The following PRKCI variants were observed in gnomAD, a reference collection of about 807,000 sequenced individuals.
The protein encoded by PRKCI is protein kinase C iota, also known as protein kinase C iota type.
In PRKCI, 43 loss-of-function variants were observed where a neutral mutation model predicts 84.0. The ratio of observed to expected loss-of-function variants is 0.51; its 90% CI spans 0.40 to 0.66. The LOEUF (loss-of-function observed/expected upper bound fraction) is 0.66, where lower values mean the gene tolerates loss of function less well. Ranked by LOEUF, PRKCI falls within the 30% of genes least tolerant of loss-of-function variation. PRKCI has a pLI of 0.00. For synonymous variants in PRKCI, 216 were observed against 234.4 expected (o/e 0.92, Z 0.72); for missense variants, 459 against 745.6 (o/e 0.62, Z 4.48).
intron 1 of PRKCI, among the ~76,000 whole-genome samples, chr3:170,226,218 A>G (rs1290948870): frequency 2.6e-5 from 4 of 152,160 alleles, no homozygotes; most frequent in Non-Finnish European, 5.9e-5. Flanking sequence ...CAGCCAATTT[A>G]CATCTAGTTT....
chr3:170,231,210 C>G (rs1272728725), intron 1 of PRKCI, among the ~76,000 whole-genome samples: 1 of 151,896 alleles, frequency 6.6e-6, no homozygotes, highest in East Asian at 1.9e-4. Flanking sequence ...ATCCATCTGC[C>G]TCGGCCTCCC....
At position 170,297,419 on chromosome 3, in the gene PRKCI, A is replaced by G. The variant is rs147890380; in HGVS notation, c.1587+26A>G. The stretch of plus-strand genomic sequence containing the variant: ...GTATGTAAATTTTGATTACTCAACT[A>G]TTAGGTTTCATTATTATCTTGGGCC... On this transcript the variant is annotated intron_variant, in intron 16 of 17. Transcript: ENST00000295797. 1,277 of 1,544,142 alleles carry G rather than the reference A, an allele frequency of 8.3e-4. 14 individuals are homozygous for G. In the African/African-American group the frequency reaches 0.015, roughly 18 times the overall value.
chr3:170,264,134 T>C (rs1365001382), intron 4 of PRKCI, among the ~76,000 whole-genome samples: 4 of 152,178 alleles, frequency 2.6e-5, no homozygotes, highest in Non-Finnish European at 5.9e-5. Context: ...ATATCTCATA[T>C]ATGCATGCAC....
intron 2 of PRKCI, among the ~76,000 whole-genome samples, chr3:170,250,444 C>CCA (rs1491186149): frequency 5.8e-5 from 4 of 68,870 alleles, no homozygotes; most frequent in Admixed American, 1.7e-4. Flanking sequence ...CCCCCCCCCC[C>CCA]AAAAAAAAAT....
chr3:170,277,334 C>T (rs1195087115), intron 8 of PRKCI, among the ~76,000 whole-genome samples: 1 of 151,908 alleles, frequency 6.6e-6, no homozygotes, highest in Non-Finnish European at 1.5e-5. Flanking sequence ...TGAAAAACCA[C>T]TCATCGTCAC....
chr3:170,232,113 T>C (rs1333073487), intron 1 of PRKCI, among the ~76,000 whole-genome samples: 1 of 152,120 alleles, frequency 6.6e-6, no homozygotes, highest in Non-Finnish European at 1.5e-5. Flanking sequence ...TACAGTGGTG[T>C]AATCACAGCT....
At chr3:170,291,607 G>C (rs1734552922) in intron 12 of PRKCI, 1 of 361,516 alleles carries the variant, frequency 2.8e-6, no homozygotes, top group Non-Finnish European at 5.3e-6. Context: ...TGAGACACAA[G>C]AATTGCTTGA....
At chr3:170,273,705 C>T (rs2108855270) in intron 7 of PRKCI, among the ~76,000 whole-genome samples, 1 of 151,934 alleles carries the variant, frequency 6.6e-6, no homozygotes, top group Non-Finnish European at 1.5e-5. Context: ...GTCCCAGCTT[C>T]TCAGGAGGCT....
chr3:170,300,081 G>A (rs1402057648), intron 17 of PRKCI, among the ~76,000 whole-genome samples: 1 of 152,120 alleles, frequency 6.6e-6, no homozygotes, highest in African/African-American at 2.4e-5. Context: ...TCTAATCTCA[G>A]GGAGGCCCTT....
chr3:170,252,170 C>T (rs1282312257), intron 2 of PRKCI, among the ~76,000 whole-genome samples: 6 of 151,326 alleles, frequency 4.0e-5, no homozygotes, highest in Non-Finnish European at 5.9e-5. Flanking sequence ...GCCGAGATTG[C>T]GCCACTGCCC....
Position 170,241,307 on chromosome 3 carries a change from A to G in PRKCI, c.223+5956A>G, listed in dbSNP as rs144955224. 6.8e-3 allele frequency among the ~76,000 whole-genome samples: 1,036 copies of G among 152,230 alleles called. 32 individuals carry two copies. The highest frequency in any genetic ancestry group is 0.056 in the Admixed American group (851 of 15,274). On this transcript the variant is annotated intron_variant, in intron 2 of 17. Coordinates refer to ENST00000295797, the MANE Select transcript of PRKCI (RefSeq NM_002740.6). ...AACTTACTACTCCTGTCTAACCACA[A>G]CCTTGTACCCTTTAACTGGCACCTC...
At chr3:170,246,056 A>C (rs1733276542) in intron 2 of PRKCI, among the ~76,000 whole-genome samples, 1 of 148,150 alleles carries the variant, frequency 6.7e-6, no homozygotes, top group Admixed American at 6.9e-5. Context: ...AGGCTAAAGC[A>C]GTCCCCCTGC....
At position 170,299,101 on chromosome 3, in the gene PRKCI, C is replaced by G. The variant is rs771277289; in HGVS notation, c.1694C>G (p.Pro565Arg). The change falls in exon 17 of 18, where the codon CCA (proline) becomes CGA (arginine). Residue 565 changes from proline to arginine, a missense_variant. Transcript: ENST00000295797. ...ACTAATGAACCTGTCCAGCTCACTC[C>G]AGATGACGAGTAAGTAATTCTGTAC... ...QFTNEPVQLT[P>R]DDDDIVRKID... The G allele has an allele frequency of 6.3e-7, 1 of 1,584,916 alleles. No individual in the cohort carries two copies.
intron 8 of PRKCI, among the ~76,000 whole-genome samples, chr3:170,278,178 G>A (rs1194662745): frequency 5.3e-5 from 8 of 151,984 alleles, no homozygotes; most frequent in Non-Finnish European, 1.2e-4. Context: ...TTATTGTGTC[G>A]GTGAAGTTAA....
chr3:170,270,589 T>C (rs949617337), intron 6 of PRKCI, 28 bp downstream of exon 6: 13 of 1,580,880 alleles, frequency 8.2e-6, no homozygotes, highest in African/African-American at 2.8e-5. Flanking sequence ...TTTTTTTTTT[T>C]TTTTTTTAAG....
chr3:170,224,241 C>T (rs1046251514), intron 1 of PRKCI, among the ~76,000 whole-genome samples: 1 of 151,990 alleles, frequency 6.6e-6, no homozygotes, highest in African/African-American at 2.4e-5. Flanking sequence ...TTATTATTAG[C>T]TTGACTGTAT....
At chr3:170,258,777 C>T (rs746748233) in intron 2 of PRKCI, among the ~76,000 whole-genome samples, 2 of 152,176 alleles carry the variant, frequency 1.3e-5, no homozygotes, top group Non-Finnish European at 2.9e-5. Flanking sequence ...AACTGTTCTT[C>T]AGTACTTTTG....
intron 1 of PRKCI, among the ~76,000 whole-genome samples, chr3:170,225,999 G>A (rs1195508894): frequency 6.6e-6 from 1 of 151,400 alleles, no homozygotes; most frequent in African/African-American, 2.4e-5. Flanking sequence ...TGCAACCTCC[G>A]CCTCCCAGGT....
intron 2 of PRKCI, among the ~76,000 whole-genome samples, chr3:170,255,207 T>G (rs944555791): frequency 5.3e-5 from 8 of 151,894 alleles, no homozygotes; most frequent in Admixed American, 2.0e-4. Flanking sequence ...ATTACAGGGA[T>G]GCACCACCAT....
Sources: gnomAD v4.1 joint callset for allele counts (sites outside exome capture counted in the v4.1 genomes callset) on GRCh38, gnomAD v4.1.1 for gene constraint, MANE v1.5 for transcripts, NCBI Gene and HGNC (gene_info 2026-07-23, HGNC 2026-07-21) for gene names.